Variants in MAP3K7CL observed in about 807,000 individuals in gnomAD.
The protein encoded by MAP3K7CL is MAP3K7 C-terminal-like protein.
In MAP3K7CL, 16 loss-of-function variants were observed where a neutral mutation model predicts 18.6. The ratio of observed to expected loss-of-function variants is 0.86; its 90% CI spans 0.58 to 1.31. The LOEUF (loss-of-function observed/expected upper bound fraction) is 1.31. MAP3K7CL is among the 50% of genes most tolerant of loss of function. The probability of loss-of-function intolerance (pLI) is 0.00; values close to 1 mark genes in which losing one functional copy is unlikely to be tolerated. For synonymous variants in MAP3K7CL, 65 were observed against 66.8 expected, an observed-to-expected ratio of 0.97 and a Z score of 0.13; for missense variants, 163 against 174.4, an observed-to-expected ratio of 0.93 and a Z score of 0.37.
At chr21:29,152,812 T>A (rs1021500033) in intron 3 of MAP3K7CL, among the ~76,000 whole-genome samples, 1 of 152,224 alleles carries the variant, frequency 6.6e-6, no homozygotes, top group Admixed American at 6.5e-5. Context: ...ACTATTCCCT[T>A]CTTTCCCTTA....
intron 2 of MAP3K7CL, among the ~76,000 whole-genome samples, chr21:29,143,097 C>T (rs2087043921): frequency 6.6e-6 from 1 of 152,222 alleles, no homozygotes. Context: ...AGAGGTCATA[C>T]TGCAGGTAGA....
At chr21:29,081,445 C>T (rs924103850), upstream of MAP3K7CL, among the ~76,000 whole-genome samples, 1 of 152,082 alleles carries the variant, frequency 6.6e-6, no homozygotes, top group Non-Finnish European at 1.5e-5. Context: ...CCCAGCTACT[C>T]GGGAGGCTGA....
chr21:29,166,588 C>A (rs894311151), intron 4 of MAP3K7CL, among the ~76,000 whole-genome samples: 4 of 152,178 alleles, frequency 2.6e-5, no homozygotes, highest in Admixed American at 6.6e-5. Flanking sequence ...ACTTTGGCAA[C>A]CAATAATCTA....
At chr21:29,126,449 G>GT (rs1307078697), upstream of MAP3K7CL, among the ~76,000 whole-genome samples, 6 of 151,938 alleles carry the variant, frequency 3.9e-5, no homozygotes, top group African/African-American at 7.3e-5. Flanking sequence ...CTTTCTTTCT[G>GT]TTTTTTTGTT....
intron 4 of MAP3K7CL, among the ~76,000 whole-genome samples, chr21:29,095,790 G>A (rs1246507908): frequency 6.6e-6 from 1 of 152,140 alleles, no homozygotes. Flanking sequence ...GCTCCTGGAG[G>A]GATATTGGTT....
chr21:29,107,454 C>G (rs142709209), intron 4 of MAP3K7CL, among the ~76,000 whole-genome samples: 208 of 152,232 alleles, frequency 1.4e-3, no homozygotes, highest in South Asian at 2.5e-3. Context: ...CTTTTGTGAT[C>G]CTATTTTGTT....
intron 1 of MAP3K7CL, among the ~76,000 whole-genome samples, chr21:29,088,828 G>A (rs2085970436): frequency 6.6e-6 from 1 of 152,024 alleles, no homozygotes; most frequent in Non-Finnish European, 1.5e-5. Flanking sequence ...GAAATCTTGG[G>A]GTGTGACTGT....
chr21:29,153,382 A>G (rs915608354), intron 3 of MAP3K7CL, among the ~76,000 whole-genome samples: 1 of 152,014 alleles, frequency 6.6e-6, no homozygotes, highest in African/African-American at 2.4e-5. Context: ...TGTAGATGAT[A>G]TAGTCAGAAG....
At chr21:29,122,267 ACTT>A (rs2086606998) in intron 4 of MAP3K7CL, 1 of 152,298 alleles carries the variant, frequency 6.6e-6, no homozygotes, top group African/African-American at 2.4e-5. Flanking sequence ...CGGGAGCAGA[ACTT>A]TGTGCGGCCC....
rs956218346 is a variant in MAP3K7CL, at chr21:29,130,726, G to A, written c.-237G>A. On this transcript the variant is annotated 5_prime_UTR_variant, in exon 1 of 5. In the 5' UTR this introduces an upstream ATG that the reference lacks. Transcript: ENST00000399928. The stretch of plus-strand genomic sequence containing the variant: ...CGGAAGGGAAGGGAAGGGAGGTCCC[G>A]TGGGACGCTGGGGTCTGGGGCAGAG... 7.1e-6 allele frequency: 7 copies of A among 985,570 alleles called. No homozygotes were observed. Among genetic ancestry groups the A allele is most frequent in the Middle Eastern group, 5.2e-4 (1 of 1,914 alleles). The allele number at this position is 985,570 out of a possible 1,614,324, so 61.1% of individuals were successfully genotyped here.
chr21:29,129,388 A>G (rs1227256225), upstream of MAP3K7CL, among the ~76,000 whole-genome samples: 1 of 152,156 alleles, frequency 6.6e-6, no homozygotes, highest in Non-Finnish European at 1.5e-5. Context: ...TTTTTACAGT[A>G]TCCACAGTTT....
intron 4 of MAP3K7CL, among the ~76,000 whole-genome samples, chr21:29,162,284 TG>T (rs2146732752): frequency 6.6e-6 from 1 of 151,826 alleles, no homozygotes; most frequent in African/African-American, 2.4e-5. Context: ...TGGAGGACTT[TG>T]TTATTTAAAT....
chr21:29,116,414 T>A (rs1282281170), intron 4 of MAP3K7CL, among the ~76,000 whole-genome samples: 1 of 152,262 alleles, frequency 6.6e-6, no homozygotes, highest in African/African-American at 2.4e-5. Context: ...TTAGATGATC[T>A]GAAAGAAGCC....
intron 4 of MAP3K7CL, among the ~76,000 whole-genome samples, chr21:29,100,358 A>G (rs2086205692): frequency 6.6e-6 from 1 of 152,178 alleles, no homozygotes; most frequent in East Asian, 1.9e-4. Context: ...ATTTTAGAAA[A>G]ATAGAGATGA....
Position 29,133,470 on chromosome 21 carries a change from C to T in MAP3K7CL, c.70+56C>T, listed in dbSNP as rs146541035. ...CCTTCATACCCCACCTTTCTAGCAT[C>T]TTTTCTAATGCCACGCCTCTGTGGA... On this transcript the variant is annotated intron_variant, in intron 2 of 4. Coordinates refer to ENST00000399928, the MANE Select transcript of MAP3K7CL (RefSeq NM_001286620.2). 1.8e-3 allele frequency: 2,347 copies of T among 1,333,634 alleles called. 6 individuals are homozygous for T. Among genetic ancestry groups the T allele is most frequent in the Non-Finnish European group, 2.2e-3 (2,118 of 973,146 alleles). The allele number at this position is 1,333,634 out of a possible 1,614,324, so 82.6% of individuals were successfully genotyped here.
intron 4 of MAP3K7CL, among the ~76,000 whole-genome samples, chr21:29,171,676 A>G (rs1265684978): frequency 6.6e-6 from 1 of 151,932 alleles, no homozygotes; most frequent in African/African-American, 2.4e-5. Flanking sequence ...AGTGTGGCGC[A>G]CACACCTGTA....
chr21:29,160,341 G>A (rs1479032314), intron 4 of MAP3K7CL, among the ~76,000 whole-genome samples: 1 of 152,214 alleles, frequency 6.6e-6, no homozygotes, highest in African/African-American at 2.4e-5. Context: ...CCGTAAATGT[G>A]CCCAGAGGCT....
chr21:29,103,056 CTG>C (rs1160821118), intron 4 of MAP3K7CL, among the ~76,000 whole-genome samples: 1 of 152,208 alleles, frequency 6.6e-6, no homozygotes, highest in Non-Finnish European at 1.5e-5. Flanking sequence ...CCCATAGAAA[CTG>C]TGAGAGGTAA....
At chr21:29,093,742 C>T (rs1365630032) in intron 4 of MAP3K7CL, among the ~76,000 whole-genome samples, 1 of 152,112 alleles carries the variant, frequency 6.6e-6, no homozygotes, top group Non-Finnish European at 1.5e-5. Context: ...CCACCCGCCT[C>T]GGCCTCCCAA....
Sources: gnomAD v4.1 joint callset for allele counts (sites outside exome capture counted in the v4.1 genomes callset) on GRCh38, gnomAD v4.1.1 for gene constraint, MANE v1.5 for transcripts, NCBI Gene and HGNC (gene_info 2026-07-23, HGNC 2026-07-21) for gene names.